Variants in CACHD1 observed in about 807,000 individuals in gnomAD.
CACHD1 encodes the protein cache domain containing 1, also known as VWFA and cache domain-containing protein 1.
A neutral mutation model predicts 138.7 loss-of-function variants in CACHD1; 71 were observed. The ratio of observed to expected loss-of-function variants is 0.51; its 90% CI spans 0.42 to 0.62. The LOEUF is 0.62. Ranked by LOEUF, CACHD1 falls within the 20% of genes least tolerant of loss-of-function variation. The pLI is 0.00. For synonymous variants in CACHD1, 578 were observed against 591.5 expected (o/e 0.98, Z 0.33); for missense variants, 1,389 against 1,625.3 (o/e 0.85, Z 2.50).
chr1:64,676,471 T>C (rs1649994518), intron 21 of CACHD1, among the ~76,000 whole-genome samples: 1 of 152,136 alleles, frequency 6.6e-6, no homozygotes, highest in Non-Finnish European at 1.5e-5. Flanking sequence ...GTATTGTGTG[T>C]GTATAATTGT....
At chr1:64,652,450 C>T (rs1189197346) in intron 10 of CACHD1, 140 bp downstream of exon 10, 11 of 717,700 alleles carry the variant, frequency 1.5e-5, no homozygotes, top group Non-Finnish European at 2.2e-5. Context: ...TGTAGTAGAA[C>T]ACCGTAAAGA....
At chr1:64,478,985 A>G (rs993642331) in intron 1 of CACHD1, among the ~76,000 whole-genome samples, 3 of 152,174 alleles carry the variant, frequency 2.0e-5, no homozygotes, top group Non-Finnish European at 2.9e-5. Context: ...TAAAAAAAAA[A>G]AAAAAGAAAA....
chr1:64,512,393 CAAAAAAAAAAAAAAAAAA>C (rs551616431), intron 1 of CACHD1, among the ~76,000 whole-genome samples: 3 of 78,598 alleles, frequency 3.8e-5, no homozygotes, highest in Admixed American at 2.5e-4. Context: ...GACTGTGTCT[CAAAAAAAAAAAAAAAAAA>C]AAAAAAAAGC....
At chr1:64,564,953 G>C (rs1157594114) in intron 2 of CACHD1, among the ~76,000 whole-genome samples, 2 of 151,762 alleles carry the variant, frequency 1.3e-5, no homozygotes, top group Non-Finnish European at 2.9e-5. Flanking sequence ...CAGAAGAGTT[G>C]AGCACTAGGC....
At chr1:64,473,205 A>G (rs1646155789) in intron 1 of CACHD1, among the ~76,000 whole-genome samples, 1 of 152,058 alleles carries the variant, frequency 6.6e-6, no homozygotes, top group Admixed American at 6.5e-5. Flanking sequence ...CTTTTTTGAA[A>G]GGAGACACAC....
intron 4 of CACHD1, among the ~76,000 whole-genome samples, chr1:64,621,311 G>A (rs112850410): frequency 0.011 from 1,677 of 151,916 alleles, 27 homozygotes; most frequent in African/African-American, 0.038. Flanking sequence ...ATATGGTCTT[G>A]GGCCATTGAT....
chr1:64,512,860 A>G (rs1646432920), intron 1 of CACHD1, among the ~76,000 whole-genome samples: 1 of 152,122 alleles, frequency 6.6e-6, no homozygotes, highest in African/African-American at 2.4e-5. Flanking sequence ...CATTTAAGTG[A>G]CTTCTGGACT....
At chr1:64,590,122 A>T (rs1052531593) in intron 3 of CACHD1, among the ~76,000 whole-genome samples, 5 of 152,106 alleles carry the variant, frequency 3.3e-5, no homozygotes, top group Non-Finnish European at 4.4e-5. Flanking sequence ...CCTGGCTAAC[A>T]TGGTAAAAAC....
chr1:64,623,314 A>C (rs1291310382), intron 4 of CACHD1, among the ~76,000 whole-genome samples: 2 of 152,096 alleles, frequency 1.3e-5, no homozygotes, highest in Non-Finnish European at 2.9e-5. Context: ...AGGTGGGAGA[A>C]TCGCTTGAAC....
intron 4 of CACHD1, among the ~76,000 whole-genome samples, chr1:64,606,483 C>T (rs1191522376): frequency 1.3e-5 from 2 of 152,002 alleles, no homozygotes; most frequent in Non-Finnish European, 2.9e-5. Flanking sequence ...GAGAGGCAGT[C>T]GGGGGCCAGG....
chr1:64,494,431 C>G (rs1248938353), intron 1 of CACHD1, among the ~76,000 whole-genome samples: 1 of 152,164 alleles, frequency 6.6e-6, no homozygotes, highest in Non-Finnish European at 1.5e-5. Flanking sequence ...GACATATCTC[C>G]AGCAGTTGTC....
chr1:64,621,147 C>T (rs1318873886), intron 4 of CACHD1, among the ~76,000 whole-genome samples: 2 of 152,162 alleles, frequency 1.3e-5, no homozygotes, highest in African/African-American at 2.4e-5. Context: ...AATGAGAATA[C>T]TTGAAATGAG....
At chr1:64,543,936 C>T (rs1456526491) in intron 1 of CACHD1, among the ~76,000 whole-genome samples, 2 of 146,402 alleles carry the variant, frequency 1.4e-5, no homozygotes, top group African/African-American at 2.6e-5. Flanking sequence ...CCACCGGCCT[C>T]GGCCTCCCAA....
intron 8 of CACHD1, among the ~76,000 whole-genome samples, chr1:64,642,486 G>A (rs1427924864): frequency 1.3e-5 from 2 of 152,188 alleles, no homozygotes; most frequent in African/African-American, 4.8e-5. Flanking sequence ...GTGAGGATTA[G>A]CCTTAATGTA....
In CACHD1 at chr1:64,582,238, C is replaced by T. The variant is rs751845549; in HGVS notation, c.344C>T (p.Thr115Met). 9 of 1,613,758 alleles carry T rather than the reference C, an allele frequency of 5.6e-6. No homozygotes were observed. Among genetic ancestry groups the T allele is most frequent in the East Asian group, 2.2e-5 (1 of 44,884 alleles). ...AAGCAAGTTGTAGAAGCATCCTATA[C>T]GGCTCACCTAACCTCTCCCCTAACT... ...RNKQVVEASY[T>M]AHLTSPLTAI... Residue 115 changes from threonine to methionine, a missense_variant, in exon 3 of 27, where the codon ACG (threonine) becomes ATG (methionine). Thr to Met is a moderately conservative substitution (Grantham distance 81, BLOSUM62 -1). Around this residue, in one of 5 missense-constraint regions of CACHD1, gnomAD observed 1,000 missense variants for 1,114.7 expected, o/e 0.90. Transcript: ENST00000651257.
chr1:64,471,690 C>A (rs1013981428), intron 1 of CACHD1, among the ~76,000 whole-genome samples: 1 of 152,146 alleles, frequency 6.6e-6, no homozygotes, highest in Non-Finnish European at 1.5e-5. Context: ...ATTTTTGTTT[C>A]GTGTGTGCCT....
chr1:64,565,338 G>T (rs1003060695), intron 2 of CACHD1, among the ~76,000 whole-genome samples: 1 of 152,004 alleles, frequency 6.6e-6, no homozygotes, highest in Non-Finnish European at 1.5e-5. Flanking sequence ...TGAATGGAAG[G>T]CACTAAATCT....
intron 4 of CACHD1, among the ~76,000 whole-genome samples, chr1:64,615,546 T>C (rs1323910472): frequency 6.6e-6 from 1 of 152,214 alleles, no homozygotes; most frequent in East Asian, 1.9e-4. Flanking sequence ...AAGTGCCCAA[T>C]CCAGTGCCTT....
At chr1:64,516,480 G>C (rs1056165782) in intron 1 of CACHD1, among the ~76,000 whole-genome samples, 2 of 152,172 alleles carry the variant, frequency 1.3e-5, no homozygotes, top group Non-Finnish European at 2.9e-5. Flanking sequence ...GCACACGCTA[G>C]GTACTTAGTA....
Sources: gnomAD v4.1 joint callset for allele counts (sites outside exome capture counted in the v4.1 genomes callset) on GRCh38, gnomAD v4.1.1 for gene constraint, gnomAD v4.1.1 regional missense constraint, MANE v1.5 for transcripts, NCBI Gene and HGNC (gene_info 2026-07-23, HGNC 2026-07-21) for gene names.